HIVEP3: variants seen among roughly 807,000 people sequenced by gnomAD.
The protein encoded by HIVEP3 is transcription factor HIVEP3.
HIVEP3 carries 49 observed loss-of-function variants against 152.8 expected under a neutral mutation model. The ratio of observed to expected loss-of-function variants is 0.32; its 90% CI spans 0.26 to 0.41. The LOEUF is 0.41. HIVEP3 is among the 10% of genes least tolerant of loss of function. HIVEP3 has a pLI of 1.00. For synonymous variants in HIVEP3, 1,269 were observed against 1,289.0 expected, an observed-to-expected ratio of 0.98 and a Z score of 0.33; for missense variants, 2,790 against 3,103.3, an observed-to-expected ratio of 0.90 and a Z score of 2.40.
chr1:41,639,807 G>C (rs763391823), intron 2 of HIVEP3, among the ~76,000 whole-genome samples: 8 of 152,212 alleles, frequency 5.3e-5, no homozygotes, highest in Non-Finnish European at 1.0e-4. Context: ...CTCCAGACAA[G>C]AGGCTTCTCT....
chr1:41,690,718 G>A (rs1646185384), intron 2 of HIVEP3, among the ~76,000 whole-genome samples: 1 of 152,212 alleles, frequency 6.6e-6, no homozygotes, highest in Non-Finnish European at 1.5e-5. Context: ...GGGAGTTCGA[G>A]ACCAGCCTGG....
intron 1 of HIVEP3, among the ~76,000 whole-genome samples, chr1:41,818,593 G>A (rs192428295): frequency 5.8e-4 from 89 of 152,286 alleles, no homozygotes; most frequent in Non-Finnish European, 4.7e-4. Flanking sequence ...GAAACACCAC[G>A]CAGTCATTGG....
At chr1:41,911,735 C>T (rs369528750) in intron 1 of HIVEP3, among the ~76,000 whole-genome samples, 145 of 152,274 alleles carry the variant, frequency 9.5e-4, no homozygotes, top group African/African-American at 3.2e-3. Flanking sequence ...ATTTCAGCTA[C>T]ACCCAACAAT....
chr1:41,696,093 A>G (rs1255901934), intron 2 of HIVEP3, among the ~76,000 whole-genome samples: 1 of 152,216 alleles, frequency 6.6e-6, no homozygotes, highest in African/African-American at 2.4e-5. Context: ...GGGGTATCAA[A>G]TGGCACTGTA....
intron 1 of HIVEP3, among the ~76,000 whole-genome samples, chr1:41,733,840 C>A (rs1646878003): frequency 6.6e-6 from 1 of 152,220 alleles, no homozygotes; most frequent in South Asian, 2.1e-4. Flanking sequence ...CCCAGGCCAG[C>A]CTCCAGCCCA....
At chr1:42,016,742 G>C (rs1645525287) in intron 1 of HIVEP3, among the ~76,000 whole-genome samples, 1 of 152,232 alleles carries the variant, frequency 6.6e-6, no homozygotes, top group South Asian at 2.1e-4. Flanking sequence ...CACTGATACA[G>C]ATCAACCTCA....
intron 1 of HIVEP3, among the ~76,000 whole-genome samples, chr1:41,880,128 T>C (rs1036532369): frequency 3.3e-5 from 5 of 152,140 alleles, no homozygotes; most frequent in South Asian, 2.1e-4. Flanking sequence ...GGCGTGATCA[T>C]AGCCCACTGT....
In HIVEP3 at chr1:41,509,612, CCCAGGGGG is replaced by C; in HGVS notation, c.*831_*838del. The C allele has an allele frequency of 6.6e-6, 1 of 152,076 alleles. No homozygotes were observed. The highest frequency in any genetic ancestry group is 2.1e-4 in the South Asian group (1 of 4,816). The allele number at this position is 152,076 out of a possible 1,614,324, so 9.4% of individuals were successfully genotyped here. ...CGGACAGTCAGGGCTCCTTCCCCAG[CCCAGGGGG>C]CCAGGGTGGGGTGCAGAAGGGAGGT... On this transcript the variant is annotated 3_prime_UTR_variant, in exon 9 of 9. Coordinates refer to ENST00000372583, the MANE Select transcript of HIVEP3 (RefSeq NM_024503.5).
intron 1 of HIVEP3, among the ~76,000 whole-genome samples, chr1:41,732,070 A>C (rs1170874668): frequency 6.6e-6 from 1 of 152,152 alleles, no homozygotes; most frequent in African/African-American, 2.4e-5. Flanking sequence ...AGGCTGTGGC[A>C]TGTGGTGGGG....
At chr1:41,886,337 C>T (rs1644345998) in intron 1 of HIVEP3, among the ~76,000 whole-genome samples, 1 of 152,054 alleles carries the variant, frequency 6.6e-6, no homozygotes, top group African/African-American at 2.4e-5. Context: ...CTAAGCTTTC[C>T]ACAACTCAAT....
chr1:41,814,546 G>A (rs989283997), intron 1 of HIVEP3, among the ~76,000 whole-genome samples: 2 of 152,254 alleles, frequency 1.3e-5, no homozygotes, highest in Non-Finnish European at 2.9e-5. Flanking sequence ...CCTGCCACCA[G>A]ATTATAGCCA....
intron 1 of HIVEP3, among the ~76,000 whole-genome samples, chr1:41,753,734 T>C (rs548579786): frequency 1.3e-5 from 2 of 151,952 alleles, no homozygotes; most frequent in Non-Finnish European, 2.9e-5. Flanking sequence ...GAAGCGTTTC[T>C]AATGAGGGGC....
chr1:41,885,775 T>TTCCTTTCATTCCCTCCCTC (rs1371413787), intron 1 of HIVEP3, among the ~76,000 whole-genome samples: 1 of 141,470 alleles, frequency 7.1e-6, no homozygotes. Flanking sequence ...TTCCCTTCCT[T>TTCCTTTCATTCCCTCCCTC]TCCTTTCATT....
intron 1 of HIVEP3, among the ~76,000 whole-genome samples, chr1:41,719,812 C>G (rs756773727): frequency 6.6e-6 from 1 of 152,236 alleles, no homozygotes; most frequent in South Asian, 2.1e-4. Context: ...AGCACCAACA[C>G]AGGGAACCAC....
intron 1 of HIVEP3, among the ~76,000 whole-genome samples, chr1:41,854,562 T>G (rs991513396): frequency 7.6e-6 from 1 of 130,792 alleles, no homozygotes; most frequent in Non-Finnish European, 1.6e-5. Context: ...TTAGGGTACA[T>G]GTGCACATTG....
At chr1:41,881,779 T>C (rs1450978494) in intron 1 of HIVEP3, among the ~76,000 whole-genome samples, 1 of 152,200 alleles carries the variant, frequency 6.6e-6, no homozygotes, top group Admixed American at 6.5e-5. Flanking sequence ...TAAAATCTTT[T>C]TAAAAATGTG....
At chr1:41,965,073 A>C (rs1645190288) in intron 1 of HIVEP3, among the ~76,000 whole-genome samples, 1 of 152,240 alleles carries the variant, frequency 6.6e-6, no homozygotes, top group African/African-American at 2.4e-5. Context: ...ACAGGCAGCC[A>C]TCTTTGCTGT....
At chr1:41,756,676 C>T (rs955770508) in intron 1 of HIVEP3, among the ~76,000 whole-genome samples, 7 of 152,080 alleles carry the variant, frequency 4.6e-5, no homozygotes, top group African/African-American at 9.7e-5. Flanking sequence ...GTTCTACATT[C>T]GTTGATATGG....
At chr1:41,650,792 C>G (rs186105112) in intron 2 of HIVEP3, among the ~76,000 whole-genome samples, 10 of 152,174 alleles carry the variant, frequency 6.6e-5, no homozygotes, top group Admixed American at 6.5e-4. Context: ...ACACAGAAAC[C>G]TTTTTCCAGT....
Sources: gnomAD v4.1 joint callset for allele counts (sites outside exome capture counted in the v4.1 genomes callset) on GRCh38, gnomAD v4.1.1 for gene constraint, MANE v1.5 for transcripts, NCBI Gene and HGNC (gene_info 2026-07-23, HGNC 2026-07-21) for gene names.